PIBF1: variants seen among roughly 807,000 people sequenced by gnomAD.
The protein encoded by PIBF1 is progesterone immunomodulatory binding factor 1.
In PIBF1, 90 loss-of-function variants were observed where a neutral mutation model predicts 112.5. The observed-to-expected ratio is 0.80, with a 90% CI of 0.67 to 0.95. The LOEUF (loss-of-function observed/expected upper bound fraction) is 0.95. PIBF1 is among the 40% of genes least tolerant of loss of function. The pLI, the probability that PIBF1 is intolerant of heterozygous loss-of-function variation, is 0.00. For synonymous variants in PIBF1, 301 were observed against 288.6 expected, an observed-to-expected ratio of 1.04 and a Z score of -0.44; for missense variants, 915 against 852.3, an observed-to-expected ratio of 1.07 and a Z score of -0.92.
At chr13:72,847,240 A>G (rs1215098191) in intron 9 of PIBF1, among the ~76,000 whole-genome samples, 2 of 152,226 alleles carry the variant, frequency 1.3e-5, no homozygotes, top group African/African-American at 2.4e-5. Context: ...TTAAGTTTTC[A>G]TATCTAGAAA....
At chr13:73,015,567 G>T (rs957902986) in intron 17 of PIBF1, among the ~76,000 whole-genome samples, 1 of 152,090 alleles carries the variant, frequency 6.6e-6, no homozygotes, top group Non-Finnish European at 1.5e-5. Flanking sequence ...TCATGTCCTT[G>T]ATTTTTTTAT....
chr13:72,895,609 G>T (rs1180662940), intron 11 of PIBF1, among the ~76,000 whole-genome samples: 1 of 151,962 alleles, frequency 6.6e-6, no homozygotes, highest in East Asian at 1.9e-4. Context: ...AGATAGGTCT[G>T]TGTGTTGTTT....
At chr13:73,013,992 C>T (rs902035409) in intron 17 of PIBF1, among the ~76,000 whole-genome samples, 3 of 152,082 alleles carry the variant, frequency 2.0e-5, no homozygotes, top group Admixed American at 2.0e-4. Flanking sequence ...CTTTTCAAAA[C>T]AGAAAGCACT....
intron 12 of PIBF1, among the ~76,000 whole-genome samples, chr13:72,908,920 C>T (rs545733036): frequency 3.3e-5 from 5 of 151,756 alleles, no homozygotes; most frequent in Non-Finnish European, 7.4e-5. Context: ...AGGAGTGATA[C>T]TGGGGAATCC....
At chr13:72,837,583 A>G (rs1027592503) in intron 9 of PIBF1, among the ~76,000 whole-genome samples, 2 of 152,168 alleles carry the variant, frequency 1.3e-5, no homozygotes, top group East Asian at 1.9e-4. Flanking sequence ...AAGAAGTAGA[A>G]TAATGCAGCA....
At chr13:72,822,031 A>T in intron 6 of PIBF1, 49 bp downstream of exon 6, 1 of 1,510,598 alleles carries the variant, frequency 6.6e-7, no homozygotes, top group Non-Finnish European at 8.9e-7. Context: ...TTTAGGGTGC[A>T]TCAAAGTCAC....
intron 10 of PIBF1, among the ~76,000 whole-genome samples, chr13:72,877,753 CT>C (rs569331110): frequency 1.3e-3 from 180 of 139,834 alleles, no homozygotes; most frequent in East Asian, 1.6e-3. Flanking sequence ...CTTTTCTTTT[CT>C]TTTTTTTTTT....
chr13:72,975,345 G>A (rs778818579), intron 16 of PIBF1, among the ~76,000 whole-genome samples: 25 of 152,084 alleles, frequency 1.6e-4, no homozygotes, highest in Non-Finnish European at 2.6e-4. Context: ...GTGAGCCACC[G>A]CGCCCGACCA....
intron 5 of PIBF1, among the ~76,000 whole-genome samples, chr13:72,807,241 C>T (rs2035785094): frequency 6.6e-6 from 1 of 151,380 alleles, no homozygotes; most frequent in Non-Finnish European, 1.5e-5. Flanking sequence ...TCTTCAGATA[C>T]AACTGTTAAA....
At chr13:72,923,562 T>C (rs1472095359) in intron 13 of PIBF1, among the ~76,000 whole-genome samples, 2 of 152,242 alleles carry the variant, frequency 1.3e-5, no homozygotes, top group African/African-American at 4.8e-5. Context: ...TCCCAATAGA[T>C]AGCTTATAAA....
At chr13:72,995,634 A>G (rs373191558) in intron 16 of PIBF1, among the ~76,000 whole-genome samples, 1 of 152,116 alleles carries the variant, frequency 6.6e-6, no homozygotes, top group African/African-American at 2.4e-5. Context: ...TAAACTTTAA[A>G]CCAATCAAAG....
chr13:72,903,813 C>T (rs2040589351), intron 11 of PIBF1, among the ~76,000 whole-genome samples: 1 of 152,096 alleles, frequency 6.6e-6, no homozygotes, highest in Non-Finnish European at 1.5e-5. Flanking sequence ...TAGGGATTGG[C>T]CTGTGGGCTT....
intron 10 of PIBF1, among the ~76,000 whole-genome samples, chr13:72,879,772 T>C (rs2039546817): frequency 6.6e-6 from 1 of 152,190 alleles, no homozygotes; most frequent in Admixed American, 6.5e-5. Flanking sequence ...GATTGGTTTG[T>C]GTGGTTTTTT....
At chr13:72,916,078 G>A (rs1475222581) in intron 12 of PIBF1, among the ~76,000 whole-genome samples, 2 of 151,958 alleles carry the variant, frequency 1.3e-5, no homozygotes, top group African/African-American at 4.8e-5. Context: ...GGTGTTTTGG[G>A]GGTTTTTTTT....
At chr13:72,789,721 T>C (rs1009267146) in intron 2 of PIBF1, among the ~76,000 whole-genome samples, 4 of 152,084 alleles carry the variant, frequency 2.6e-5, no homozygotes, top group African/African-American at 9.7e-5. Context: ...ATTTCAGATT[T>C]TTGATTTTTT....
intron 16 of PIBF1, among the ~76,000 whole-genome samples, chr13:72,990,707 G>T (rs1357095597): frequency 6.6e-6 from 1 of 151,582 alleles, no homozygotes; most frequent in African/African-American, 2.4e-5. Context: ...AATTAGCCAG[G>T]TGTGGTGGCA....
At chr13:72,796,945 G>A (rs895388613) in intron 4 of PIBF1, among the ~76,000 whole-genome samples, 9 of 152,004 alleles carry the variant, frequency 5.9e-5, no homozygotes, top group Non-Finnish European at 8.8e-5. Context: ...TTGTAATACC[G>A]TCATATGTTA....
At chr13:72,973,556 T>G (rs1352858626) in intron 15 of PIBF1, 35 bp from the exon 16 acceptor site, 1 of 1,053,558 alleles carries the variant, frequency 9.5e-7, no homozygotes, top group Non-Finnish European at 1.4e-6. Context: ...TATACTAACA[T>G]AATGACTTTT....
At chr13:72,885,662 A>G (rs1210715187) in intron 10 of PIBF1, among the ~76,000 whole-genome samples, 13 of 152,158 alleles carry the variant, frequency 8.5e-5, no homozygotes, top group Non-Finnish European at 1.9e-4. Flanking sequence ...TACTTTTGTT[A>G]GCTCACATTA....
Sources: allele counts gnomAD v4.1 joint callset (sites outside exome capture counted in the v4.1 genomes callset), GRCh38; gene constraint gnomAD v4.1.1; transcripts MANE v1.5; gene names NCBI Gene and HGNC (gene_info 2026-07-23, HGNC 2026-07-21).